The following ZNF223 variants were observed in gnomAD, a reference collection of about 807,000 sequenced individuals.
ZNF223 encodes Homo sapiens zinc finger protein 223.
In ZNF223, 9 loss-of-function variants were observed where a neutral mutation model predicts 12.3. That is an observed-to-expected ratio of 0.73 (90% CI 0.44 to 1.28). The LOEUF (loss-of-function observed/expected upper bound fraction) is 1.28. Ranked by LOEUF, ZNF223 falls within the 50% of genes most tolerant of loss-of-function variation. ZNF223 has a pLI of 0.00. For synonymous variants in ZNF223, 171 were observed against 195.2 expected (o/e 0.88, Z 1.03); for missense variants, 506 against 579.0 (o/e 0.87, Z 1.29).
At chr19:44,065,990 T>C (rs1021036536) in intron 4 of ZNF223, 74 bp from the exon 5 acceptor site, 4 of 1,514,694 alleles carry the variant, frequency 2.6e-6, no homozygotes, top group Non-Finnish European at 3.5e-6. Flanking sequence ...TCATACCATG[T>C]CCTAAGTGTG....
chr19:44,063,022 T>C (rs529657614), intron 4 of ZNF223, among the ~76,000 whole-genome samples: 1 of 152,388 alleles, frequency 6.6e-6, no homozygotes, highest in East Asian at 1.9e-4. Flanking sequence ...TTTATTTTTA[T>C]AGATTTAGTG....
rs761668921 is a variant in ZNF223, at chr19:44,067,009, A to ATAACTG, written c.1181_1182insTAACTG (p.His394_Thr395insAsnCys). 4 of 1,613,208 alleles carry ATAACTG rather than the reference A, an allele frequency of 2.5e-6. No homozygotes were observed. Among genetic ancestry groups the ATAACTG allele is most frequent in the Non-Finnish European group, 3.4e-6 (4 of 1,179,200 alleles). On this transcript the variant is annotated inframe_insertion, in exon 5 of 5. Coordinates refer to ENST00000434772, the MANE Select transcript of ZNF223 (RefSeq NM_013361.6). ...GGTCTTGACTTGCACCATAGAGCCC[A>ATAACTG]CACAGGAGAGAGACCTTATAACTGT... is the stretch of plus-strand genomic sequence containing the variant.
At chr19:44,061,836 C>T (rs1976842992) in intron 4 of ZNF223, among the ~76,000 whole-genome samples, 1 of 152,196 alleles carries the variant, frequency 6.6e-6, no homozygotes, top group South Asian at 2.1e-4. Context: ...TACTGACCCC[C>T]TCTGTTAGTT....
intron 4 of ZNF223, among the ~76,000 whole-genome samples, chr19:44,062,664 C>T (rs1403918870): frequency 6.6e-6 from 1 of 151,650 alleles, no homozygotes; most frequent in Non-Finnish European, 1.5e-5. Context: ...TTTTTCATGA[C>T]CACACTGAGT....
chr19:44,054,914 A>G (rs1370864709), intron 1 of ZNF223, among the ~76,000 whole-genome samples, 195 bp from the exon 2 acceptor site: 3 of 152,066 alleles, frequency 2.0e-5, no homozygotes, highest in African/African-American at 7.2e-5. Context: ...ATAAGATTCC[A>G]TTGTATGAAT....
chr19:44,059,764 G>A (rs987213086), intron 2 of ZNF223, among the ~76,000 whole-genome samples: 1 of 152,178 alleles, frequency 6.6e-6, no homozygotes, highest in African/African-American at 2.4e-5. Flanking sequence ...AGGAAGGGAC[G>A]TCACGTCCTA....
intron 2 of ZNF223, among the ~76,000 whole-genome samples, chr19:44,056,585 A>ATTTTTTTTTTTTT (rs775187674): frequency 1.4e-5 from 1 of 72,158 alleles, no homozygotes; most frequent in African/African-American, 6.7e-5. Flanking sequence ...ATGCCTCACC[A>ATTTTTTTTTTTTT]TTTTTTTTTT....
In ZNF223 at chr19:44,066,451, T is replaced by C; in HGVS notation, c.623T>C (p.Val208Ala). 6.2e-7 allele frequency: 1 copy of C among 1,614,160 alleles called. No homozygotes were observed. Among genetic ancestry groups the C allele is most frequent in the Non-Finnish European group, 8.5e-7 (1 of 1,180,034 alleles). Residue 208 changes from valine to alanine, a missense_variant, in exon 5 of 5, where the codon GTG becomes GCG. Val to Ala is a moderately conservative substitution (Grantham distance 64). Coordinates refer to ENST00000434772, the MANE Select transcript of ZNF223 (RefSeq NM_013361.6). ...GGAGAGAAACTCTTTAAGTGTGACGTGTGTGGTAAGGAATTCAGTCAGAGT... is the reference window on the plus strand; with the variant it reads ...GGAGAGAAACTCTTTAAGTGTGACGCGTGTGGTAAGGAATTCAGTCAGAGT... ...HLGEKLFKCD[V>A]CGKEFSQSLH...
chr19:44,056,179 T>A (rs1178846542), intron 2 of ZNF223, among the ~76,000 whole-genome samples: 1 of 151,878 alleles, frequency 6.6e-6, no homozygotes, highest in Non-Finnish European at 1.5e-5. Context: ...ACCACAGCTG[T>A]TCTTATCTCC....
chr19:44,067,074 T>C lies in ZNF223; in HGVS notation c.1246T>C (p.Leu416=). 1 of 1,613,840 alleles carries C rather than the reference T, an allele frequency of 6.2e-7. No individual in the cohort carries two copies. Among genetic ancestry groups the C allele is most frequent in the South Asian group, 1.1e-5 (1 of 90,990 alleles). ...GKSFRQASSI[L]NHKRLHCRKK... ...GAGCTTTAGACAGGCCTCAAGTATT[T>C]TGAATCATAAGAGACTCCATTGCCG... Residue 416 remains leucine (L), a synonymous_variant, in exon 5 of 5, where the codon TTG becomes CTG. Transcript: ENST00000434772.
upstream of ZNF223, chr19:44,051,852 G>C (rs531063561): frequency 1.3e-3 from 195 of 152,420 alleles, no homozygotes; most frequent in Non-Finnish European, 2.6e-3. Flanking sequence ...TACGGGAAGT[G>C]TAGTCCACTG....
chr19:44,058,134 C>G (rs1296610996), intron 2 of ZNF223, among the ~76,000 whole-genome samples: 1 of 152,154 alleles, frequency 6.6e-6, no homozygotes, highest in Non-Finnish European at 1.5e-5. Context: ...GAACAAAGCC[C>G]AGACTGTCAA....
chr19:44,054,547 T>A (rs1568511239), intron 1 of ZNF223, among the ~76,000 whole-genome samples: 1 of 152,048 alleles, frequency 6.6e-6, no homozygotes, highest in African/African-American at 2.4e-5. Context: ...GTTTTTTTTT[T>A]AAACTCTAGG....
rs766165404 is a variant in ZNF223, at chr19:44,060,463, G to A, written c.24G>A (p.Val8=). 1 of 1,614,108 alleles carries A rather than the reference G, an allele frequency of 6.2e-7. No homozygotes were observed. Among genetic ancestry groups the A allele is most frequent in the South Asian group, 1.1e-5 (1 of 91,072 alleles). Residue 8 remains valine (V), a synonymous_variant, in exon 3 of 5, where the codon GTG becomes GTA. Coordinates refer to ENST00000434772, the MANE Select transcript of ZNF223 (RefSeq NM_013361.6). MTMSKEA[V]TFKDVAVVFT... ...TATGTTTGATGCTGTAGGAGGCAGT[G>A]ACCTTCAAGGATGTGGCAGTGGTCT... is the stretch of plus-strand genomic sequence containing the variant.
At chr19:44,061,043 A>G (rs1976832046) in intron 4 of ZNF223, 1 of 524,930 alleles carries the variant, frequency 1.9e-6, no homozygotes, top group Non-Finnish European at 3.5e-6. Context: ...TCCTTAGGAC[A>G]TGGATGTCAG....
chr19:44,051,844 C>T (rs1287011628), upstream of ZNF223: 2 of 152,182 alleles, frequency 1.3e-5, no homozygotes, highest in African/African-American at 4.8e-5. Context: ...GTCCATTTTA[C>T]GGGAAGTGTA....
intron 2 of ZNF223, among the ~76,000 whole-genome samples, chr19:44,057,834 A>G (rs1976788876): frequency 6.6e-6 from 1 of 152,170 alleles, no homozygotes. Flanking sequence ...CTGATTACCA[A>G]CTCGTGTGAG....
chr19:44,060,606 G>A (rs1976824586), intron 3 of ZNF223, 25 bp downstream of exon 3: 3 of 1,613,732 alleles, frequency 1.9e-6, no homozygotes, highest in Admixed American at 3.3e-5. Context: ...CTTCTATAAG[G>A]GAATGTCAGG....
At chr19:44,055,058 TC>T in intron 1 of ZNF223, 50 bp from the exon 2 acceptor site, 1 of 941,420 alleles carries the variant, frequency 1.1e-6, no homozygotes, top group Non-Finnish European at 1.7e-6. Context: ...GTGGGTGACA[TC>T]CCTGGCCACC....
Sources: gnomAD v4.1 joint callset for allele counts (sites outside exome capture counted in the v4.1 genomes callset) on GRCh38, gnomAD v4.1.1 for gene constraint, MANE v1.5 for transcripts, NCBI Gene and HGNC (gene_info 2026-07-23, HGNC 2026-07-21) for gene names.